Variants in STK32B observed in about 807,000 individuals in gnomAD.
STK32B encodes serine/threonine kinase 32B.
STK32B carries 43 observed loss-of-function variants against 52.6 expected under a neutral mutation model. The ratio of observed to expected loss-of-function variants is 0.82; its 90% CI spans 0.64 to 1.05. The LOEUF (loss-of-function observed/expected upper bound fraction) is 1.05. Ranked by LOEUF, STK32B falls within the 50% of genes least tolerant of loss-of-function variation. STK32B has a pLI of 0.00. For synonymous variants in STK32B, 238 were observed against 204.3 expected (o/e 1.17, Z -1.41); for missense variants, 621 against 534.6 (o/e 1.16, Z -1.59).
rs375434120 is a variant in STK32B, at chr4:5,499,064, C to T, written c.1226C>T (p.Thr409Ile). The change falls in exon 12 of 12, where the codon ACC (threonine) becomes ATC (isoleucine). Residue 409 changes from threonine (T) to isoleucine (I), a missense_variant. Transcript: ENST00000282908. ...CNNNLLTHTC[T>I]RGCSS Reference sequence around the variant, plus strand: ...AACAACCTCCTCACCCACACCTGCACCCGTGGCTGCAGCAGCTGAGCCCAC... The same window carrying T: ...AACAACCTCCTCACCCACACCTGCATCCGTGGCTGCAGCAGCTGAGCCCAC... The T allele has an allele frequency of 4.3e-5, 69 of 1,611,796 alleles. No individual in the cohort carries two copies. The highest frequency in any genetic ancestry group is 6.7e-5 in the Admixed American group (4 of 59,828).
chr4:5,490,844 A>G (rs1332653898), intron 11 of STK32B, among the ~76,000 whole-genome samples: 1 of 152,054 alleles, frequency 6.6e-6, no homozygotes, highest in African/African-American at 2.4e-5. Flanking sequence ...TGTTCTTGCG[A>G]TAGTTTACTG....
intron 3 of STK32B, among the ~76,000 whole-genome samples, chr4:5,316,881 AT>A (rs1730912332): frequency 4.6e-4 from 4 of 8,760 alleles, no homozygotes; most frequent in East Asian, 7.5e-3. Flanking sequence ...TATATAATAT[AT>A]TATATATATT....
chr4:5,205,833 C>G (rs746078411), intron 3 of STK32B, among the ~76,000 whole-genome samples: 53 of 152,064 alleles, frequency 3.5e-4, no homozygotes, highest in Middle Eastern at 3.2e-3. Context: ...TGGGGGAATT[C>G]TCTTTCACCG....
intron 4 of STK32B, among the ~76,000 whole-genome samples, chr4:5,345,929 T>C (rs755223816): frequency 2.6e-5 from 4 of 152,232 alleles, no homozygotes; most frequent in Non-Finnish European, 5.9e-5. Context: ...GTTCTTGGCA[T>C]TCCCTGTCAT....
At chr4:5,194,569 G>A (rs919927549) in intron 3 of STK32B, among the ~76,000 whole-genome samples, 2 of 152,174 alleles carry the variant, frequency 1.3e-5, no homozygotes, top group African/African-American at 2.4e-5. Flanking sequence ...TCAATGCGTC[G>A]ATCTTAGGAA....
At chr4:5,418,656 A>G (rs937307505) in intron 6 of STK32B, among the ~76,000 whole-genome samples, 6 of 152,238 alleles carry the variant, frequency 3.9e-5, no homozygotes, top group East Asian at 1.9e-4. Context: ...AACCACTGGG[A>G]TGAGGAGTCC....
intron 11 of STK32B, among the ~76,000 whole-genome samples, chr4:5,484,153 G>C (rs578086969): frequency 1.8e-3 from 269 of 152,106 alleles, no homozygotes; most frequent in Admixed American, 2.9e-3. Context: ...TCTTAACTTT[G>C]TGTCTCATTG....
At chr4:5,181,395 A>G (rs1577152976) in intron 3 of STK32B, among the ~76,000 whole-genome samples, 2 of 151,336 alleles carry the variant, frequency 1.3e-5, no homozygotes, top group African/African-American at 4.9e-5. Flanking sequence ...TGCAGCAAGA[A>G]AGTTGCCTCT....
rs118098362 is a variant in STK32B, at chr4:5,113,878, C to G, written c.53-26027C>G. Among the ~76,000 whole-genome samples, 1,011 of 152,146 alleles carry G rather than the reference C, an allele frequency of 6.6e-3. 42 individuals are homozygous for G. The East Asian group carries it at 0.12, about 18-fold the overall frequency. On this transcript the variant is annotated intron_variant, in intron 1 of 11. Transcript: ENST00000282908. ...GCAAGGAGGACCGAATCACATCTTACGTGGATGGTGGCAGGCAAAAAGAAA... is the reference window on the plus strand; with the variant it reads ...GCAAGGAGGACCGAATCACATCTTAGGTGGATGGTGGCAGGCAAAAAGAAA...
At chr4:5,359,618 C>T (rs573782990) in intron 4 of STK32B, among the ~76,000 whole-genome samples, 1 of 152,282 alleles carries the variant, frequency 6.6e-6, no homozygotes, top group Admixed American at 6.5e-5. Flanking sequence ...GAAAGGGCCA[C>T]AGGAGGGGGT....
rs5855854 is a variant in STK32B at position 5,434,454 on chromosome 4, G to GTATATA, written c.563-12205_563-12200dup. On this transcript the variant is annotated intron_variant, in intron 6 of 11. Transcript: ENST00000282908. ...TGTATGTGTGTGTGTGTGTGTGTGT[G>GTATATA]TATATATATATATATATATGATTTT... Among the ~76,000 whole-genome samples, 537 of 131,236 alleles carry GTATATA rather than the reference G, an allele frequency of 4.1e-3. 2 individuals carry two copies. The highest frequency in any genetic ancestry group is 4.9e-3 in the Non-Finnish European group (301 of 61,806). The allele number at this position is 131,236 out of a possible 152,430, so 86.1% of individuals were successfully genotyped here. A position where few individuals can be genotyped will look rare whatever the true frequency, so the allele number is the denominator to read the frequency against.
At chr4:5,155,815 C>G (rs1192342830) in intron 2 of STK32B, among the ~76,000 whole-genome samples, 1 of 152,112 alleles carries the variant, frequency 6.6e-6, no homozygotes, top group Non-Finnish European at 1.5e-5. Context: ...AACTGTGAGT[C>G]AATTAAACCT....
intron 3 of STK32B, among the ~76,000 whole-genome samples, chr4:5,316,205 T>TA (rs1730688061): frequency 3.6e-5 from 3 of 82,732 alleles, no homozygotes; most frequent in African/African-American, 2.7e-4. Flanking sequence ...AGATATATAA[T>TA]ATATATTACA....
upstream of STK32B, among the ~76,000 whole-genome samples, chr4:5,050,002 A>T (rs1741700866): frequency 6.6e-6 from 1 of 152,194 alleles, no homozygotes; most frequent in Non-Finnish European, 1.5e-5. Flanking sequence ...TAATTTATCC[A>T]AGTTAACTGG....
At chr4:5,490,509 T>C (rs1037251512) in intron 11 of STK32B, among the ~76,000 whole-genome samples, 2 of 152,170 alleles carry the variant, frequency 1.3e-5, no homozygotes, top group East Asian at 3.8e-4. Context: ...GACTAAATTA[T>C]GTCAGGAGGC....
At chr4:5,259,590 T>C (rs1726565570) in intron 3 of STK32B, among the ~76,000 whole-genome samples, 1 of 152,224 alleles carries the variant, frequency 6.6e-6, no homozygotes, top group Non-Finnish European at 1.5e-5. Flanking sequence ...AGTTAACATT[T>C]ATGAAGCACT....
At chr4:5,318,071 C>T (rs147734367) in intron 3 of STK32B, among the ~76,000 whole-genome samples, 1 of 151,950 alleles carries the variant, frequency 6.6e-6, no homozygotes, top group Non-Finnish European at 1.5e-5. Context: ...AGTCTTGGCT[C>T]TCAGGGCTTG....
chr4:5,467,648 A>G lies in STK32B; in HGVS notation c.1042-358A>G, dbSNP rs1004828384. Among the ~76,000 whole-genome samples, 1 of 152,078 alleles carries G rather than the reference A, an allele frequency of 6.6e-6. No individual in the cohort carries two copies. The highest frequency in any genetic ancestry group is 2.4e-5 in the African/African-American group (1 of 41,408). On this transcript the variant is annotated intron_variant, in intron 10 of 11. Coordinates refer to ENST00000282908, the MANE Select transcript of STK32B (RefSeq NM_018401.3). The surrounding 1 kb of genome is among the most constrained non-coding windows in gnomAD (Gnocchi z 5.8). ...TCAACACACAACACCCCCCTCCCCT[A>G]TGCAAGTGGAGCCCCTGGCATCATG...
intron 3 of STK32B, among the ~76,000 whole-genome samples, chr4:5,232,777 C>G (rs575592443): frequency 6.6e-6 from 1 of 152,092 alleles, no homozygotes; most frequent in Non-Finnish European, 1.5e-5. Context: ...CCTTTAGGTC[C>G]ACTCTACACC....
Sources: gnomAD v4.1 joint callset for allele counts (sites outside exome capture counted in the v4.1 genomes callset) on GRCh38, gnomAD v4.1.1 for gene constraint, Gnocchi (gnomAD v3.1) non-coding constraint, MANE v1.5 for transcripts, NCBI Gene and HGNC (gene_info 2026-07-23, HGNC 2026-07-21) for gene names.